Variants in MYH14 observed in about 807,000 individuals in gnomAD.
MYH14 encodes myosin-14.
MYH14 carries 123 observed loss-of-function variants against 255.5 expected under a neutral mutation model. The observed-to-expected ratio is 0.48, with a 90% CI of 0.42 to 0.56. The LOEUF (loss-of-function observed/expected upper bound fraction) is 0.56. MYH14 is among the 20% of genes least tolerant of loss of function. MYH14 has a pLI of 0.00. For synonymous variants in MYH14, 1,095 were observed against 1,161.2 expected (o/e 0.94, Z 1.16); for missense variants, 2,423 against 2,802.3 (o/e 0.86, Z 3.06).
chr19:50,255,140 CCCT>C, intron 16 of MYH14, 77 bp from the exon 17 acceptor site: 1 of 896,962 alleles, frequency 1.1e-6, no homozygotes, highest in South Asian at 1.4e-5. Flanking sequence ...CCTCTCCTTC[CCCT>C]CTTTTCATGC....
At chr19:50,255,349 C>A in intron 17 of MYH14, 31 bp downstream of exon 17, 2 of 1,510,432 alleles carry the variant, frequency 1.3e-6, no homozygotes, top group Non-Finnish European at 1.8e-6. Flanking sequence ...ATGGGTGAGG[C>A]TTGCTGGAGG....
Position 50,250,547 on chromosome 19 carries a change from T to C in MYH14, c.1689T>C (p.Asp563=), listed in dbSNP as rs2034330710. ...CCCCTGGACTCCTGGCCCTGCTGGA[T>C]GAGGAGTGCTGGTTCCCGAAGGCCA... ...ANPPGLLALL[D]EECWFPKATD... Residue 563 remains aspartate, a synonymous_variant, in exon 15 of 43, where the codon GAT becomes GAC. Coordinates refer to ENST00000642316, the MANE Select transcript of MYH14 (RefSeq NM_001145809.2). The surrounding 1 kb of genome is among the most constrained non-coding windows in gnomAD (Gnocchi z 5.4). 1.9e-6 allele frequency: 3 copies of C among 1,613,650 alleles called. No homozygotes were observed. Among genetic ancestry groups the C allele is most frequent in the Middle Eastern group, 1.6e-4 (1 of 6,084 alleles).
chr19:50,221,678 T>C lies in MYH14; in HGVS notation c.563-1405T>C, dbSNP rs1158778700. ...TTTTAGTAGAGATGGGGTTTCACCA[T>C]GTTGCCCAGGCTGGTCTTGAACTCC... is the stretch of plus-strand genomic sequence containing the variant. On this transcript the variant is annotated intron_variant, in intron 3 of 42. Coordinates refer to ENST00000642316, the MANE Select transcript of MYH14 (RefSeq NM_001145809.2). This position sits in a 1 kb window ranked among gnomAD's most constrained non-coding sequence, Gnocchi z 5.3. 6.6e-6 allele frequency among the ~76,000 whole-genome samples: 1 copy of C among 152,136 alleles called. No individual in the cohort carries two copies. Among genetic ancestry groups the C allele is most frequent in the East Asian group, 1.9e-4 (1 of 5,188 alleles).
intron 30 of MYH14, among the ~76,000 whole-genome samples, chr19:50,278,581 G>T (rs2035597885): frequency 2.0e-5 from 3 of 151,964 alleles, no homozygotes; most frequent in Admixed American, 2.0e-4. Flanking sequence ...GCATGTGCCT[G>T]TAGTCCCAGC....
At chr19:50,242,059 C>T (rs952195818) in intron 10 of MYH14, among the ~76,000 whole-genome samples, 9 of 152,180 alleles carry the variant, frequency 5.9e-5, no homozygotes, top group South Asian at 2.1e-4. Flanking sequence ...ACTTCATGGA[C>T]GCAAATGTCC....
intron 35 of MYH14, 124 bp from the exon 36 acceptor site, chr19:50,290,763 G>A: frequency 1.0e-6 from 1 of 957,526 alleles, no homozygotes; most frequent in Non-Finnish European, 1.6e-6. Flanking sequence ...AGAGAGTCAG[G>A]GAGTGAGAGG....
At chr19:50,215,688 G>A (rs2032439588) in intron 2 of MYH14, among the ~76,000 whole-genome samples, 1 of 152,188 alleles carries the variant, frequency 6.6e-6, no homozygotes, top group Non-Finnish European at 1.5e-5. Flanking sequence ...GCATGGTGGT[G>A]CATACCTGTG....
intron 41 of MYH14, 93 bp from the exon 42 acceptor site, chr19:50,308,912 G>A: frequency 1.6e-6 from 2 of 1,227,536 alleles, no homozygotes; most frequent in Non-Finnish European, 2.3e-6. Context: ...AGAGTCAGGG[G>A]GCAGTAGGGA....
chr19:50,293,466 A>G lies in MYH14; in HGVS notation c.5346-98A>G. On this transcript the variant is annotated intron_variant, in intron 38 of 42. Coordinates refer to ENST00000642316, the MANE Select transcript of MYH14 (RefSeq NM_001145809.2). The surrounding 1 kb of genome is among the most constrained non-coding windows in gnomAD (Gnocchi z 4.1). ...GGGCCCCTGGGGTGTGAGGCTGGGG[A>G]GATGCGTGGGGCTAACCACAGGGTC... The G allele has an allele frequency of 6.4e-7, 1 of 1,555,736 alleles. No individual in the cohort carries two copies. Among genetic ancestry groups the G allele is most frequent in the Non-Finnish European group, 8.7e-7 (1 of 1,146,688 alleles).
chr19:50,299,530 C>G (rs1057238742), intron 39 of MYH14, among the ~76,000 whole-genome samples: 7 of 137,390 alleles, frequency 5.1e-5, no homozygotes, highest in Non-Finnish European at 9.1e-5. Context: ...GAGATTGCAC[C>G]ACTGCACTCC....
chr19:50,281,530 A>G, intron 32 of MYH14, 64 bp from the exon 33 acceptor site: 2 of 1,512,544 alleles, frequency 1.3e-6, no homozygotes, highest in Non-Finnish European at 1.8e-6. Context: ...ATGGAGCACC[A>G]CCAGCTTACA....
chr19:50,274,709 G>T (rs1281148356), intron 27 of MYH14, among the ~76,000 whole-genome samples: 1 of 152,074 alleles, frequency 6.6e-6, no homozygotes, highest in East Asian at 1.9e-4. Flanking sequence ...CAGGAGGGTC[G>T]CCTGAGCCCA....
intron 10 of MYH14, among the ~76,000 whole-genome samples, chr19:50,233,616 G>A (rs1244150292): frequency 6.6e-6 from 1 of 152,110 alleles, no homozygotes; most frequent in East Asian, 1.9e-4. Context: ...GAGGCCAGAC[G>A]CCCGGGATCG....
chr19:50,289,699 T>C (rs2036005701), intron 35 of MYH14, 51 bp downstream of exon 35: 2 of 1,524,672 alleles, frequency 1.3e-6, no homozygotes, highest in Non-Finnish European at 8.9e-7. Flanking sequence ...GGGTATGCCA[T>C]GGTGTGTACA....
At chr19:50,289,747 C>T in intron 35 of MYH14, 99 bp downstream of exon 35, 1 of 1,099,072 alleles carries the variant, frequency 9.1e-7, no homozygotes, top group Non-Finnish European at 1.3e-6. Context: ...CCCCGACCCA[C>T]CCACCACTCT....
chr19:50,248,646 AT>A (rs2034230619), intron 12 of MYH14, among the ~76,000 whole-genome samples: 1 of 149,786 alleles, frequency 6.7e-6, no homozygotes, highest in East Asian at 1.9e-4. Context: ...CATGCCTGAA[AT>A]CACACAGCCC....
intron 27 of MYH14, among the ~76,000 whole-genome samples, chr19:50,274,994 C>T (rs1421843053): frequency 6.6e-6 from 1 of 151,428 alleles, no homozygotes; most frequent in Non-Finnish European, 1.5e-5. Flanking sequence ...GCCTGGCAGC[C>T]TCTGATCCAC....
rs866396907 is a variant in MYH14 at position 50,231,992 on chromosome 19, C to T, written c.1036C>T (p.Pro346Ser). 1.2e-6 allele frequency: 2 copies of T among 1,613,928 alleles called. No individual in the cohort carries two copies. Residue 346 changes from proline to serine, a missense_variant, in exon 10 of 43, where the codon CCC (proline) becomes TCC (serine). This residue lies in a region of MYH14 where 672 missense variants were observed against 881.8 expected (regional missense o/e 0.76). Coordinates refer to ENST00000642316, the MANE Select transcript of MYH14 (RefSeq NM_001145809.2). ...CCTGACCAACGGGCCGTCATCCTCT[C>T]CCGGCCAGGAGCGGGAACTCTTCCA... ...RFLTNGPSSSPGQERELFQET... is the reference protein window; with the variant it reads ...RFLTNGPSSSSGQERELFQET...
rs682321 is a variant in MYH14, at chr19:50,286,245, G to A, written c.4540-237G>A. 0.33 allele frequency: 134,070 copies of A among 411,384 alleles called. 23,556 individuals are homozygous for A. Among genetic ancestry groups the A allele is most frequent in the African/African-American group, 0.51 (25,865 of 50,538 alleles). 25.5% of individuals were successfully genotyped at this position (411,384 alleles called of 1,614,324 possible). A position where few individuals can be genotyped will look rare whatever the true frequency, so the allele number is the denominator to read the frequency against. On this transcript the variant is annotated intron_variant, in intron 33 of 42. Coordinates refer to ENST00000642316, the MANE Select transcript of MYH14 (RefSeq NM_001145809.2). The stretch of plus-strand genomic sequence containing the variant: ...ACTGCCACTCTTAAGAGGAAGGAAT[G>A]CCCTTTCTTCTGTTGAACATATAGA...
Sources: gnomAD v4.1 joint callset for allele counts (sites outside exome capture counted in the v4.1 genomes callset) on GRCh38, gnomAD v4.1.1 for gene constraint, gnomAD v4.1.1 regional missense constraint, Gnocchi (gnomAD v3.1) non-coding constraint, MANE v1.5 for transcripts, NCBI Gene and HGNC (gene_info 2026-07-23, HGNC 2026-07-21) for gene names.